HPN: variants seen among roughly 807,000 people sequenced by gnomAD.
The protein encoded by HPN is hepsin, also known as serine protease hepsin.
In HPN, 13 loss-of-function variants were observed where a neutral mutation model predicts 55.9. That is an observed-to-expected ratio of 0.23 (90% CI 0.15 to 0.37). The LOEUF is 0.37. Among genes scored for constraint, HPN ranks in the 10% least tolerant of loss-of-function variants. The pLI is 1.00. For missense variants in HPN, 451 were observed against 575.8 expected, an observed-to-expected ratio of 0.78 and a Z score of 2.22; for synonymous variants, 225 against 240.3, an observed-to-expected ratio of 0.94 and a Z score of 0.59.
chr19:35,050,149 G>A (rs926096679), intron 4 of HPN, among the ~76,000 whole-genome samples: 1 of 152,176 alleles, frequency 6.6e-6, no homozygotes, highest in Non-Finnish European at 1.5e-5. Flanking sequence ...AAAGAAAAAA[G>A]TCTTGCTCTG....
chr19:35,065,847 G>T, intron 11 of HPN, 21 bp from the exon 12 acceptor site: 2 of 1,613,186 alleles, frequency 1.2e-6, no homozygotes, highest in South Asian at 1.1e-5. Context: ...CCTTCAGCCA[G>T]ACCTCCCTCT....
intron 4 of HPN, among the ~76,000 whole-genome samples, chr19:35,052,371 C>G (rs2064413679): frequency 1.3e-5 from 2 of 151,834 alleles, no homozygotes; most frequent in South Asian, 4.2e-4. Flanking sequence ...GTACTAAAAA[C>G]ACAAAAATTG....
intron 4 of HPN, among the ~76,000 whole-genome samples, chr19:35,058,272 C>G (rs996128101): frequency 6.7e-6 from 1 of 150,062 alleles, no homozygotes; most frequent in African/African-American, 2.4e-5. Context: ...CTCTGCTGCC[C>G]AGGTTCAAGC....
intron 4 of HPN, among the ~76,000 whole-genome samples, chr19:35,052,409 T>G (rs1479400008): frequency 6.6e-6 from 1 of 151,764 alleles, no homozygotes; most frequent in Non-Finnish European, 1.5e-5. Context: ...GCGCCTGTAA[T>G]CCCAGCTACT....
chr19:35,053,399 C>T (rs550391643), intron 4 of HPN, among the ~76,000 whole-genome samples: 1 of 152,012 alleles, frequency 6.6e-6, no homozygotes, highest in Non-Finnish European at 1.5e-5. Context: ...GTGATGAGGA[C>T]CCCCCAGCTA....
intron 2 of HPN, among the ~76,000 whole-genome samples, chr19:35,046,659 A>G (rs544805719): frequency 1.9e-3 from 282 of 152,270 alleles, no homozygotes; most frequent in African/African-American, 5.7e-3. Context: ...CCACATCACC[A>G]TGGGTGCAGA....
At position 35,041,930 on chromosome 19, in the gene HPN, T is replaced by TC. The variant is rs995519097; in HGVS notation, c.-55+64dup. The TC allele has an allele frequency of 8.7e-6, 11 of 1,266,628 alleles. No individual in the cohort carries two copies. The South Asian group carries it at 8.9e-5, about 10-fold the overall frequency. The allele number at this position is 1,266,628 out of a possible 1,614,324, so 78.5% of individuals were successfully genotyped here. On this transcript the variant is annotated intron_variant, in intron 1 of 12. Transcript: ENST00000672452. ...AGCCCTGAGGACAGGGGTTCCCTCA[T>TC]CCCCCCACCCAGCCTAATGCCCACC... is the stretch of plus-strand genomic sequence containing the variant.
intron 4 of HPN, among the ~76,000 whole-genome samples, chr19:35,057,055 G>T (rs918416876): frequency 6.6e-6 from 1 of 152,262 alleles, no homozygotes; most frequent in Non-Finnish European, 1.5e-5. Context: ...AACAAAAGGG[G>T]ATATGATTTA....
chr19:35,065,680 A>G lies in HPN; in HGVS notation c.1049A>G (p.Gln350Arg). ...GYPEGGIDAC[Q>R]GDSGGPFVCE... is the part of the protein sequence containing the mutation. The stretch of plus-strand genomic sequence containing the variant: ...CCCGAGGGTGGCATTGATGCCTGCC[A>G]GGTGAGGGACTCTGTAGGGGCAGCC... Residue 350 changes from glutamine (Q) to arginine (R), a missense_variant and splice_region_variant, in exon 11 of 13, where the codon CAG becomes CGG. Physicochemically the swap from Gln to Arg is conservative, Grantham distance 43. Coordinates refer to ENST00000672452, the MANE Select transcript of HPN (RefSeq NM_001384133.1). 1 of 1,614,056 alleles carries G rather than the reference A, an allele frequency of 6.2e-7. No individual in the cohort carries two copies. The highest frequency in any genetic ancestry group is 8.5e-7 in the Non-Finnish European group (1 of 1,179,988).
intron 10 of HPN, 92 bp downstream of exon 10, chr19:35,065,437 C>G: frequency 6.4e-7 from 1 of 1,564,632 alleles, no homozygotes; most frequent in Non-Finnish European, 8.7e-7. Context: ...TGAGTCTTGA[C>G]CATGAGGAGT....
At chr19:35,045,719 T>C (rs559973159) in intron 2 of HPN, among the ~76,000 whole-genome samples, 24 of 131,030 alleles carry the variant, frequency 1.8e-4, no homozygotes, top group South Asian at 7.3e-4. Flanking sequence ...ATGAGGATGC[T>C]GCCTGTCCCA....
intron 9 of HPN, among the ~76,000 whole-genome samples, chr19:35,061,770 T>C (rs578224699): frequency 5.3e-5 from 8 of 151,784 alleles, no homozygotes; most frequent in Non-Finnish European, 1.0e-4. Context: ...ATGCCACTTG[T>C]ATGAAATGTA....
chr19:35,049,297 G>GACT lies in HPN; in HGVS notation c.25_27dup (p.Thr9dup), dbSNP rs780418199. ...GCATGGTGTCTGTTGCAGGTGGCCG[G>GACT]ACTGTGCCATGCTGCTCCAGACCCA... On this transcript the variant is annotated inframe_insertion, in exon 3 of 13. Transcript: ENST00000672452. 1 of 1,553,158 alleles carries GACT rather than the reference G, an allele frequency of 6.4e-7. No homozygotes were observed. The highest frequency in any genetic ancestry group is 8.7e-7 in the Non-Finnish European group (1 of 1,146,562).
chr19:35,060,951 C>T lies in HPN; in HGVS notation c.811+134C>T, dbSNP rs140835463. On this transcript the variant is annotated intron_variant, in intron 9 of 12. Transcript: ENST00000672452. ...TAAGGGGAATGATCTCGAGGGAGCA[C>T]AAAGTGGGCCTTAACTATCAATGAT... 2.8e-3 allele frequency: 2,177 copies of T among 765,670 alleles called. 16 individuals are homozygous for T. The highest frequency in any genetic ancestry group is 0.027 in the Middle Eastern group (70 of 2,640). 47.4% of individuals were successfully genotyped at this position (765,670 alleles called of 1,614,324 possible). A position where few individuals can be genotyped will look rare whatever the true frequency, so the allele number is the denominator to read the frequency against.
intron 4 of HPN, among the ~76,000 whole-genome samples, chr19:35,049,763 TTGGAAAACCA>T (rs1484461198): frequency 2.0e-5 from 3 of 152,128 alleles, no homozygotes; most frequent in Non-Finnish European, 4.4e-5. Context: ...AATTAGTGAG[TTGGAAAACCA>T]TGTTTTTTTT....
At chr19:35,060,599 G>A (rs2064518917) in intron 8 of HPN, 28 bp from the exon 9 acceptor site, 1 of 1,612,848 alleles carries the variant, frequency 6.2e-7, no homozygotes, top group Non-Finnish European at 8.5e-7. Context: ...CCAGGCAGGT[G>A]GCCACCCTCC....
At position 35,060,723 on chromosome 19, in the gene HPN, C is replaced by T. The variant is rs2151766066; in HGVS notation, c.717C>T (p.Tyr239=). The T allele has an allele frequency of 1.2e-6, 2 of 1,614,142 alleles. No individual in the cohort carries two copies. The highest frequency in any genetic ancestry group is 1.7e-6 in the Non-Finnish European group (2 of 1,180,010). ...AGCTGGGGGTGCAGGCTGTGGTCTA[C>T]CACGGGGGCTATCTTCCCTTTCGGG... The part of the protein sequence containing the change: ...GLQLGVQAVV[Y]HGGYLPFRDP... Residue 239 remains tyrosine (Y), a synonymous_variant, in exon 9 of 13, where the codon TAC becomes TAT. Transcript: ENST00000672452.
chr19:35,042,804 C>T (rs2064307464), intron 2 of HPN, among the ~76,000 whole-genome samples: 1 of 152,188 alleles, frequency 6.6e-6, no homozygotes, highest in Non-Finnish European at 1.5e-5. Context: ...TGGACTTGTC[C>T]TCTGCTGGGG....
At chr19:35,042,782 C>T (rs2064307105) in intron 2 of HPN, among the ~76,000 whole-genome samples, 1 of 152,238 alleles carries the variant, frequency 6.6e-6, no homozygotes, top group Admixed American at 6.5e-5. Context: ...CCAGTGATTT[C>T]TCAGCTAACT....
Sources: allele counts gnomAD v4.1 joint callset (sites outside exome capture counted in the v4.1 genomes callset), GRCh38; gene constraint gnomAD v4.1.1; transcripts MANE v1.5; gene names NCBI Gene and HGNC (gene_info 2026-07-23, HGNC 2026-07-21).